UHRF1: variants seen among roughly 807,000 people sequenced by gnomAD.
The protein encoded by UHRF1 is E3 ubiquitin-protein ligase UHRF1.
Under a neutral mutation model 96.5 loss-of-function variants are expected in UHRF1, and 9 were observed. The observed-to-expected ratio is 0.09, with a 90% CI of 0.06 to 0.16. The LOEUF (loss-of-function observed/expected upper bound fraction) is 0.16. UHRF1 is among the 10% of genes least tolerant of loss of function. The pLI is 1.00. For missense variants in UHRF1, 626 were observed against 1,131.1 expected, an observed-to-expected ratio of 0.55 and a Z score of 6.40; for synonymous variants, 455 against 469.9, an observed-to-expected ratio of 0.97 and a Z score of 0.41.
intron 16 of UHRF1, among the ~76,000 whole-genome samples, chr19:4,959,647 T>G (rs2033941053): frequency 1.3e-5 from 2 of 152,222 alleles, no homozygotes; most frequent in African/African-American, 4.8e-5. Flanking sequence ...GGAATCTGAA[T>G]CCACCAGACT....
At chr19:4,912,619 TTCTC>T (rs376207444) in intron 2 of UHRF1, among the ~76,000 whole-genome samples, 10 of 152,192 alleles carry the variant, frequency 6.6e-5, no homozygotes, top group African/African-American at 2.2e-4. Flanking sequence ...CGCTCTGTCT[TTCTC>T]TCTGCCCGCC....
At chr19:4,943,658 CT>C (rs72107646) in intron 7 of UHRF1, among the ~76,000 whole-genome samples, 5 of 149,248 alleles carry the variant, frequency 3.4e-5, no homozygotes, top group Non-Finnish European at 4.5e-5. Flanking sequence ...AACCTGCTTT[CT>C]TTTTTTTTTG....
At chr19:4,928,527 C>T (rs2032943009) in intron 2 of UHRF1, among the ~76,000 whole-genome samples, 1 of 152,162 alleles carries the variant, frequency 6.6e-6, no homozygotes, top group Non-Finnish European at 1.5e-5. Flanking sequence ...AGGGGTTGAG[C>T]GCATCAGGAT....
intron 5 of UHRF1, among the ~76,000 whole-genome samples, chr19:4,939,764 C>G (rs1568422510): frequency 6.6e-6 from 1 of 152,134 alleles, no homozygotes; most frequent in East Asian, 1.9e-4. Context: ...GTGGCTCATG[C>G]CTGTAATCCC....
At position 4,950,969 on chromosome 19, in the gene UHRF1, G is replaced by C; in HGVS notation, c.1791G>C (p.Arg597=). 1 of 1,611,560 alleles carries C rather than the reference G, an allele frequency of 6.2e-7. No individual in the cohort carries two copies. The highest frequency in any genetic ancestry group is 8.5e-7 in the Non-Finnish European group (1 of 1,179,640). ...CTTGGACGAAGGAGGGGAAGGACCG[G>C]ATCAAGAAGCTGGGGCTGACCATGC... The part of the protein sequence containing the change: ...PGPWTKEGKD[R]IKKLGLTMQY... Residue 597 remains arginine (R), a synonymous_variant, in exon 13 of 17, where the codon CGG becomes CGC. Coordinates refer to ENST00000650932, the MANE Select transcript of UHRF1 (RefSeq NM_001048201.3).
intron 2 of UHRF1, among the ~76,000 whole-genome samples, chr19:4,920,753 A>G (rs1383427904): frequency 1.3e-5 from 2 of 152,202 alleles, no homozygotes; most frequent in South Asian, 4.1e-4. Flanking sequence ...TACAGATGCC[A>G]TAACTATAAC....
intron 7 of UHRF1, among the ~76,000 whole-genome samples, chr19:4,943,903 G>A (rs898686723): frequency 2.6e-5 from 4 of 152,218 alleles, no homozygotes; most frequent in South Asian, 4.2e-4. Flanking sequence ...TGCCCGCCTC[G>A]GCCTCCCAAA....
intron 2 of UHRF1, among the ~76,000 whole-genome samples, chr19:4,916,779 C>A (rs1434531410): frequency 5.9e-5 from 9 of 152,246 alleles, no homozygotes; most frequent in Non-Finnish European, 7.3e-5. Context: ...GACGGGCCAG[C>A]AGGAGCTGTG....
chr19:4,948,387 A>G (rs2033629253), intron 11 of UHRF1, among the ~76,000 whole-genome samples: 1 of 152,216 alleles, frequency 6.6e-6, no homozygotes, highest in Admixed American at 6.5e-5. Context: ...TAAACATTAT[A>G]AATATATTAC....
intron 2 of UHRF1, among the ~76,000 whole-genome samples, chr19:4,916,820 C>T (rs375211797): frequency 1.3e-5 from 2 of 152,220 alleles, no homozygotes; most frequent in Non-Finnish European, 2.9e-5. Flanking sequence ...AGCAGTTTCT[C>T]ACTTCCTTCC....
chr19:4,920,424 C>T (rs1019710940), intron 2 of UHRF1, among the ~76,000 whole-genome samples: 6 of 151,648 alleles, frequency 4.0e-5, no homozygotes, highest in East Asian at 1.9e-4. Context: ...AGTGAGACTC[C>T]GTCTCAAAAA....
At chr19:4,906,206 C>T (rs1235716124), upstream of UHRF1, among the ~76,000 whole-genome samples, 4 of 152,060 alleles carry the variant, frequency 2.6e-5, no homozygotes, top group South Asian at 2.1e-4. Context: ...CTCAAACTCC[C>T]GGGCGCAAGA....
Position 4,961,529 on chromosome 19 carries a change from A to C in UHRF1, c.*726A>C, listed in dbSNP as rs1285817013. Reference sequence around the variant, plus strand: ...GGCGTGTGACTGACGCTGTCCGACGAAGGCGGCCACGGACGGACGCCAGCA... The same window carrying C: ...GGCGTGTGACTGACGCTGTCCGACGCAGGCGGCCACGGACGGACGCCAGCA... On this transcript the variant is annotated 3_prime_UTR_variant, in exon 17 of 17. Transcript: ENST00000650932. 6.6e-6 allele frequency: 1 copy of C among 152,520 alleles called. No individual in the cohort carries two copies. Among genetic ancestry groups the C allele is most frequent in the African/African-American group, 2.4e-5 (1 of 41,468 alleles). The allele number at this position is 152,520 out of a possible 1,614,324, so 9.4% of individuals were successfully genotyped here.
chr19:4,917,081 G>C (rs1393781681), intron 2 of UHRF1, among the ~76,000 whole-genome samples: 2 of 151,142 alleles, frequency 1.3e-5, no homozygotes, highest in East Asian at 1.9e-4. Flanking sequence ...GGGGGGGGGG[G>C]GTGCAGTGAG....
intron 2 of UHRF1, among the ~76,000 whole-genome samples, chr19:4,928,427 C>A (rs967780215): frequency 6.6e-6 from 1 of 152,138 alleles, no homozygotes; most frequent in African/African-American, 2.4e-5. Context: ...TCGGCTTCTC[C>A]AGCCCCCAGA....
rs990932846 is a variant in UHRF1, at chr19:4,930,569, G to A, written c.409-147G>A. On this transcript the variant is annotated intron_variant, in intron 3 of 16. Coordinates refer to ENST00000650932, the MANE Select transcript of UHRF1 (RefSeq NM_001048201.3). This position sits in a 1 kb window ranked among gnomAD's most constrained non-coding sequence, Gnocchi z 4.4. ...CCGGGGCTGGTTTCTCATGGTCAGCGGTTCCCAGCCAGGGAGGAGAAACCT... is the reference window on the plus strand; with the variant it reads ...CCGGGGCTGGTTTCTCATGGTCAGCAGTTCCCAGCCAGGGAGGAGAAACCT... 26 of 1,014,230 alleles carry A rather than the reference G, an allele frequency of 2.6e-5. No homozygotes were observed. The highest frequency in any genetic ancestry group is 2.1e-4 in the Middle Eastern group (1 of 4,750). The allele number at this position is 1,014,230 out of a possible 1,614,324, so 62.8% of individuals were successfully genotyped here. A position where few individuals can be genotyped will look rare whatever the true frequency, so the allele number is the denominator to read the frequency against.
chr19:4,911,100 C>T, intron 2 of UHRF1, 62 bp downstream of exon 2: 1 of 1,409,986 alleles, frequency 7.1e-7, no homozygotes, highest in South Asian at 1.6e-5. Context: ...TCTGCAGCCA[C>T]CAGCCGATAC....
At chr19:4,955,807 A>AT (rs1255140639) in intron 15 of UHRF1, among the ~76,000 whole-genome samples, 2 of 151,742 alleles carry the variant, frequency 1.3e-5, no homozygotes, top group East Asian at 1.9e-4. Flanking sequence ...ATGCCTCTAA[A>AT]TTTTTTTGGT....
intron 2 of UHRF1, among the ~76,000 whole-genome samples, chr19:4,924,472 C>T (rs754221068): frequency 1.3e-4 from 20 of 152,096 alleles, no homozygotes; most frequent in Non-Finnish European, 2.5e-4. Flanking sequence ...TTAGTGGAGA[C>T]GGGGTTTGGC....
Sources: allele counts gnomAD v4.1 joint callset (sites outside exome capture counted in the v4.1 genomes callset), GRCh38; gene constraint gnomAD v4.1.1; non-coding constraint Gnocchi (gnomAD v3.1); transcripts MANE v1.5; gene names NCBI Gene and HGNC (gene_info 2026-07-23, HGNC 2026-07-21).